The following SYNPR variants were observed in gnomAD, a reference collection of about 807,000 sequenced individuals.
SYNPR encodes synaptoporin.
A neutral mutation model predicts 32.9 loss-of-function variants in SYNPR; 23 were observed. The ratio of observed to expected loss-of-function variants is 0.70; its 90% CI spans 0.50 to 0.99. SYNPR has a LOEUF of 0.99. Among genes scored for constraint, SYNPR ranks in the 50% least tolerant of loss-of-function variants. SYNPR has a pLI of 0.00. For missense variants in SYNPR, 318 were observed against 349.3 expected (o/e 0.91, Z 0.71); for synonymous variants, 146 against 135.9 (o/e 1.07, Z -0.52).
chr3:63,257,687 CATA>C (rs2086397401), intron 2 of SYNPR, among the ~76,000 whole-genome samples: 1 of 152,180 alleles, frequency 6.6e-6, no homozygotes, highest in Non-Finnish European at 1.5e-5. Context: ...CAGCTAACAT[CATA>C]ATGACAGGAT....
intron 2 of SYNPR, among the ~76,000 whole-genome samples, chr3:63,262,723 C>T (rs552453445): frequency 3.3e-5 from 5 of 152,268 alleles, no homozygotes; most frequent in African/African-American, 1.2e-4. Flanking sequence ...AGTGGCCAAG[C>T]AGCCAAAGTC....
chr3:63,600,569 C>T (rs1447433572), intron 4 of SYNPR, among the ~76,000 whole-genome samples: 1 of 152,156 alleles, frequency 6.6e-6, no homozygotes, highest in South Asian at 2.1e-4. Context: ...TGCCATAATC[C>T]CCATGTGTCA....
chr3:63,284,030 G>C (rs976649278), intron 2 of SYNPR, among the ~76,000 whole-genome samples: 1 of 151,884 alleles, frequency 6.6e-6, no homozygotes, highest in Admixed American at 6.6e-5. Context: ...GGATGGTCTC[G>C]ATCTCCTGAC....
intron 4 of SYNPR, among the ~76,000 whole-genome samples, chr3:63,599,825 T>C (rs1700012600): frequency 6.6e-6 from 1 of 152,210 alleles, no homozygotes; most frequent in South Asian, 2.1e-4. Flanking sequence ...TATATTGGTT[T>C]AACATTTATA....
At chr3:63,364,451 A>G (rs9817355) in intron 2 of SYNPR, among the ~76,000 whole-genome samples, 6,603 of 152,290 alleles carry the variant, frequency 0.043, 437 homozygotes, top group African/African-American at 0.14. Flanking sequence ...TACTAGAAGT[A>G]TCAATTTTGC....
the SYNPR span, among the ~76,000 whole-genome samples, chr3:63,217,716 T>G: frequency 6.6e-6 from 1 of 152,172 alleles, no homozygotes; most frequent in Non-Finnish European, 1.5e-5. Flanking sequence ...TTCCTATTCC[T>G]TGAATCTTTC....
intron 4 of SYNPR, among the ~76,000 whole-genome samples, chr3:63,560,453 G>T (rs1385226677): frequency 6.6e-6 from 1 of 152,184 alleles, no homozygotes; most frequent in East Asian, 1.9e-4. Context: ...AGAGGGTAGT[G>T]CCTACTTAAG....
At chr3:63,259,311 G>A (rs1444021543) in intron 2 of SYNPR, among the ~76,000 whole-genome samples, 2 of 152,170 alleles carry the variant, frequency 1.3e-5, no homozygotes, top group Non-Finnish European at 2.9e-5. Flanking sequence ...GAACATCGAT[G>A]CAAAAATCCT....
chr3:63,418,698 G>A (rs148216992), intron 2 of SYNPR, among the ~76,000 whole-genome samples: 5 of 152,264 alleles, frequency 3.3e-5, no homozygotes, highest in East Asian at 1.9e-4. Context: ...TTGCAGGCAA[G>A]CTCTCCCTTA....
At chr3:63,500,714 T>C (rs1701462529) in intron 3 of SYNPR, among the ~76,000 whole-genome samples, 1 of 152,174 alleles carries the variant, frequency 6.6e-6, no homozygotes, top group Non-Finnish European at 1.5e-5. Context: ...CAAAACTTGT[T>C]TTCACTCACA....
chr3:63,342,441 A>T (rs2087382778), intron 2 of SYNPR, among the ~76,000 whole-genome samples: 1 of 152,140 alleles, frequency 6.6e-6, no homozygotes, highest in African/African-American at 2.4e-5. Context: ...TGAATGCTGA[A>T]TCCCATTTGC....
At chr3:63,284,555 C>T (rs1327165149) in intron 2 of SYNPR, among the ~76,000 whole-genome samples, 1 of 152,148 alleles carries the variant, frequency 6.6e-6, no homozygotes, top group Non-Finnish European at 1.5e-5. Context: ...CCAAGGCGGC[C>T]AGTGAATCCA....
chr3:63,373,286 T>C (rs868806180), intron 2 of SYNPR, among the ~76,000 whole-genome samples: 1 of 152,170 alleles, frequency 6.6e-6, no homozygotes, highest in South Asian at 2.1e-4. Flanking sequence ...AGATTATTGA[T>C]ATTCAGAAGA....
chr3:63,476,059 G>A lies in SYNPR; in HGVS notation c.85-4773G>A, dbSNP rs369323400. ...AGGGAGGAAGAAAGAGAAGGAGAGAGAGAGGAAGGAAGGAAGAATAGAGGA... is the reference window on the plus strand; with the variant it reads ...AGGGAGGAAGAAAGAGAAGGAGAGAAAGAGGAAGGAAGGAAGAATAGAGGA... On this transcript the variant is annotated intron_variant, in intron 2 of 5. Transcript: ENST00000478300. Among the ~76,000 whole-genome samples the A allele has an allele frequency of 3.7e-4, 55 of 148,136 alleles. 1 individual carries two copies. The South Asian group carries it at 4.4e-3, about 12-fold the overall frequency.
At chr3:63,202,948 T>G in the SYNPR span, among the ~76,000 whole-genome samples, 10 of 151,714 alleles carry the variant, frequency 6.6e-5, no homozygotes, top group Middle Eastern at 6.8e-3. Context: ...ATACAGAAAA[T>G]TTGATTTCTT....
upstream of SYNPR, among the ~76,000 whole-genome samples, chr3:63,273,380 A>G (rs554625024): frequency 1.5e-4 from 23 of 152,310 alleles, 1 homozygote; most frequent in South Asian, 3.3e-3. Flanking sequence ...TAACAGTAGT[A>G]TATACTTACA....
At chr3:63,481,025 G>C in intron 3 of SYNPR, 69 bp downstream of exon 3, 6 of 1,549,544 alleles carry the variant, frequency 3.9e-6, no homozygotes, top group Non-Finnish European at 5.2e-6. Context: ...CTTTGTCTCA[G>C]AAAAAATGCA....
the SYNPR span, among the ~76,000 whole-genome samples, chr3:63,203,047 A>C: frequency 0.029 from 2,389 of 82,496 alleles, 52 homozygotes; most frequent in Non-Finnish European, 0.042. Flanking sequence ...TATAAATATA[A>C]ATACATATAT....
intron 3 of SYNPR, among the ~76,000 whole-genome samples, chr3:63,487,776 C>T (rs1345997906): frequency 6.6e-6 from 1 of 152,178 alleles, no homozygotes; most frequent in Non-Finnish European, 1.5e-5. Context: ...GAATGGAGAA[C>T]TCTTAGTGGC....
Sources: gnomAD v4.1 joint callset for allele counts (sites outside exome capture counted in the v4.1 genomes callset) on GRCh38, gnomAD v4.1.1 for gene constraint, MANE v1.5 for transcripts, NCBI Gene and HGNC (gene_info 2026-07-23, HGNC 2026-07-21) for gene names.